Variants in MIPEP observed in about 807,000 individuals in gnomAD.
MIPEP encodes mitochondrial intermediate peptidase.
In MIPEP, 79 loss-of-function variants were observed where a neutral mutation model predicts 90.3. The ratio of observed to expected loss-of-function variants is 0.87; its 90% confidence interval spans 0.73 to 1.05. MIPEP has a LOEUF of 1.05. MIPEP is among the 50% of genes least tolerant of loss of function. The pLI, the probability that MIPEP is intolerant of heterozygous loss-of-function variation, is 0.00. For missense variants in MIPEP, 940 were observed against 905.6 expected (o/e 1.04, Z -0.49); for synonymous variants, 334 against 315.8 (o/e 1.06, Z -0.61).
chr13:23,833,198 T>C (rs1868854327), intron 14 of MIPEP, among the ~76,000 whole-genome samples: 1 of 152,214 alleles, frequency 6.6e-6, no homozygotes, highest in Non-Finnish European at 1.5e-5. Flanking sequence ...TTTTAGAGAA[T>C]TAACTTCTTA....
intron 4 of MIPEP, among the ~76,000 whole-genome samples, chr13:23,878,541 A>AT (rs963209373): frequency 5.3e-5 from 8 of 152,238 alleles, no homozygotes; most frequent in Non-Finnish European, 7.3e-5. Context: ...CAAAACGTAG[A>AT]TAAACAGGAA....
chr13:23,735,811 A>T (rs1460613601), intron 18 of MIPEP, among the ~76,000 whole-genome samples: 1 of 152,238 alleles, frequency 6.6e-6, no homozygotes, highest in Admixed American at 6.5e-5. Flanking sequence ...ACTGGGGAAG[A>T]ATCCTGGGCA....
intron 9 of MIPEP, among the ~76,000 whole-genome samples, chr13:23,861,249 C>T (rs1256307490): frequency 6.6e-6 from 1 of 152,156 alleles, no homozygotes; most frequent in Non-Finnish European, 1.5e-5. Context: ...ATACAAATAT[C>T]TACAGATAAC....
chr13:23,801,901 C>A (rs1190896679), intron 16 of MIPEP, among the ~76,000 whole-genome samples: 1 of 152,152 alleles, frequency 6.6e-6, no homozygotes, highest in Non-Finnish European at 1.5e-5. Context: ...CTGTTATAAA[C>A]CCTCCTATTT....
In MIPEP at chr13:23,862,320, TTTCA is replaced by T. The variant is rs776963102; in HGVS notation, c.1031_1034del (p.Met344AsnfsTer2). On this transcript the variant is annotated frameshift_variant, in exon 9 of 19. Coordinates refer to ENST00000382172, the MANE Select transcript of MIPEP (RefSeq NM_005932.4). LOFTEE classifies it high-confidence loss of function. ...TACTTACGGAATTTTGAGGATTCAG[TTTCA>T]TTTTCATCCCTCGTATCATCTCAAA... 6.3e-7 allele frequency: 1 copy of T among 1,580,720 alleles called. No individual in the cohort carries two copies. The highest frequency in any genetic ancestry group is 1.1e-5 in the South Asian group (1 of 87,966).
At chr13:23,841,136 CT>C (rs1350028482) in intron 11 of MIPEP, among the ~76,000 whole-genome samples, 198 bp downstream of exon 11, 1 of 152,150 alleles carries the variant, frequency 6.6e-6, no homozygotes, top group Non-Finnish European at 1.5e-5. Context: ...TTTTAGAAAA[CT>C]CTGCTGTTTT....
intron 14 of MIPEP, 113 bp downstream of exon 14, chr13:23,836,127 G>A: frequency 1.7e-6 from 1 of 594,370 alleles, no homozygotes. Flanking sequence ...TAAAAGGTTT[G>A]TTACTAACAG....
Position 23,869,453 on chromosome 13 carries a change from G to A in MIPEP, c.787-5C>T, listed in dbSNP as rs376914221. 5.5e-5 allele frequency: 88 copies of A among 1,598,020 alleles called. 1 individual carries two copies. In the African/African-American group the frequency reaches 6.7e-4, roughly 12 times the overall value. Reference sequence around the variant, plus strand: ...TTTATAAGCAGCTTCTCGCACCTACGTTTAAAAAGTAAATGGTGAAGGCTA... The same window carrying A: ...TTTATAAGCAGCTTCTCGCACCTACATTTAAAAAGTAAATGGTGAAGGCTA... On this transcript the variant is annotated splice_region_variant and splice_polypyrimidine_tract_variant and intron_variant, in intron 6 of 18. Coordinates refer to ENST00000382172, the MANE Select transcript of MIPEP (RefSeq NM_005932.4).
chr13:23,773,666 T>C (rs1008978086), intron 16 of MIPEP, among the ~76,000 whole-genome samples: 3 of 152,248 alleles, frequency 2.0e-5, no homozygotes, highest in African/African-American at 7.2e-5. Context: ...CCAGTGGGAA[T>C]GAAGTAGTCT....
At chr13:23,742,472 T>C (rs954040691) in intron 18 of MIPEP, among the ~76,000 whole-genome samples, 2 of 152,202 alleles carry the variant, frequency 1.3e-5, no homozygotes, top group African/African-American at 4.8e-5. Flanking sequence ...TCATCTACTT[T>C]GCTAGATTGT....
chr13:23,812,725 A>C (rs1953189003), intron 14 of MIPEP, among the ~76,000 whole-genome samples: 1 of 152,202 alleles, frequency 6.6e-6, no homozygotes, highest in Admixed American at 6.5e-5. Context: ...CACTGGAGAA[A>C]ACTGGGTGAA....
chr13:23,762,976 G>T (rs1053746105), intron 16 of MIPEP, among the ~76,000 whole-genome samples: 4 of 152,314 alleles, frequency 2.6e-5, no homozygotes, highest in Middle Eastern at 3.4e-3. Flanking sequence ...ATAGTGAAGG[G>T]CAGAGAAAGG....
intron 7 of MIPEP, among the ~76,000 whole-genome samples, chr13:23,866,081 C>T (rs1870521325): frequency 2.0e-5 from 3 of 152,148 alleles, no homozygotes; most frequent in Admixed American, 6.5e-5. Flanking sequence ...TGAATGCCCG[C>T]CTTAGCCTCA....
At chr13:23,784,717 G>T (rs1952818941) in intron 16 of MIPEP, among the ~76,000 whole-genome samples, 2 of 152,164 alleles carry the variant, frequency 1.3e-5, no homozygotes, top group South Asian at 4.1e-4. Context: ...TAGAATGGGA[G>T]GAAATTTTTG....
At chr13:23,764,302 T>C (rs1440085790) in intron 16 of MIPEP, among the ~76,000 whole-genome samples, 2 of 152,340 alleles carry the variant, frequency 1.3e-5, no homozygotes, top group East Asian at 3.9e-4. Context: ...CAAAGCAGCC[T>C]GTCAGGAAAC....
chr13:23,877,638 A>T (rs371072905), intron 4 of MIPEP, among the ~76,000 whole-genome samples: 2 of 152,244 alleles, frequency 1.3e-5, no homozygotes, highest in Non-Finnish European at 2.9e-5. Flanking sequence ...CTCAGAGACT[A>T]GTATTTCAAG....
intron 16 of MIPEP, among the ~76,000 whole-genome samples, chr13:23,773,379 C>T (rs1394210774): frequency 1.3e-5 from 2 of 152,132 alleles, no homozygotes; most frequent in Non-Finnish European, 2.9e-5. Flanking sequence ...GAGTGGTTTC[C>T]ACTTTTTGAC....
intron 2 of MIPEP, among the ~76,000 whole-genome samples, chr13:23,882,522 C>T (rs1871311589): frequency 6.6e-6 from 1 of 152,168 alleles, no homozygotes; most frequent in Non-Finnish European, 1.5e-5. Context: ...TATACAGCTA[C>T]TACTGCTGCT....
In MIPEP at chr13:23,875,989, T is replaced by C. The variant is rs145812196; in HGVS notation, c.540-1080A>G. 1.3e-4 allele frequency among the ~76,000 whole-genome samples: 20 copies of C among 152,322 alleles called. No homozygotes were observed. The East Asian group carries it at 3.7e-3, about 28-fold the overall frequency. ...TTTTGATGCTTGTTTTGTGTTGTTA[T>C]ATAGACTGCAAATGTTTTTACTCTC... On this transcript the variant is annotated intron_variant, in intron 4 of 18. Coordinates refer to ENST00000382172, the MANE Select transcript of MIPEP (RefSeq NM_005932.4).
Sources: gnomAD v4.1 joint callset for allele counts (sites outside exome capture counted in the v4.1 genomes callset) on GRCh38, gnomAD v4.1.1 for gene constraint, MANE v1.5 for transcripts, NCBI Gene and HGNC (gene_info 2026-07-23, HGNC 2026-07-21) for gene names.